DENND1A: variants seen among roughly 807,000 people sequenced by gnomAD.
DENND1A encodes DENN domain-containing protein 1A.
Under a neutral mutation model 113.7 loss-of-function variants are expected in DENND1A, and 51 were observed. That is an observed-to-expected ratio of 0.45 (90% CI 0.36 to 0.57). The LOEUF (loss-of-function observed/expected upper bound fraction) is 0.57. Ranked by LOEUF, DENND1A falls within the 20% of genes least tolerant of loss-of-function variation. The pLI, the probability that DENND1A is intolerant of heterozygous loss-of-function variation, is 0.00. For missense variants in DENND1A, 1,258 were observed against 1,395.9 expected, an observed-to-expected ratio of 0.90 and a Z score of 1.57; for synonymous variants, 565 against 570.8, an observed-to-expected ratio of 0.99 and a Z score of 0.14.
At chr9:123,676,429 G>T (rs983895204) in intron 6 of DENND1A, among the ~76,000 whole-genome samples, 1 of 152,048 alleles carries the variant, frequency 6.6e-6, no homozygotes, top group Non-Finnish European at 1.5e-5. Context: ...GGGAATATTA[G>T]AAATTGAACA....
chr9:123,551,176 G>A lies in DENND1A; in HGVS notation c.993+6394C>T, dbSNP rs538949112. On this transcript the variant is annotated intron_variant, in intron 13 of 23. Transcript: ENST00000394215. Reference sequence around the variant, plus strand: ...GCTTTGCATCTGATTTTCTCCAGGTGACCGAAAAATGGGCCACATGCCCTT... The same window carrying A: ...GCTTTGCATCTGATTTTCTCCAGGTAACCGAAAAATGGGCCACATGCCCTT... Among the ~76,000 whole-genome samples the A allele has an allele frequency of 8.5e-5, 13 of 152,268 alleles. No homozygotes were observed. The East Asian group carries it at 2.5e-3, about 29-fold the overall frequency.
Position 123,849,451 on chromosome 9 carries a change from C to A in DENND1A, c.88+29500G>T, listed in dbSNP as rs985229223. 2.6e-5 allele frequency among the ~76,000 whole-genome samples: 4 copies of A among 152,226 alleles called. No homozygotes were observed. In the South Asian group the frequency reaches 6.2e-4, roughly 24 times the overall value. The stretch of plus-strand genomic sequence containing the variant: ...TTTTGCCATTGAGTAATGACACAAA[C>A]CACAATTACTTTTGCACCAACATAA... On this transcript the variant is annotated intron_variant, in intron 2 of 23. Coordinates refer to ENST00000394215, the MANE Select transcript of DENND1A (RefSeq NM_001352964.2).
chr9:123,573,219 C>T (rs2058454742), intron 12 of DENND1A, among the ~76,000 whole-genome samples: 1 of 152,002 alleles, frequency 6.6e-6, no homozygotes, highest in South Asian at 2.1e-4. Context: ...TAATATAAGT[C>T]CTACAACTTT....
At chr9:123,591,574 G>C (rs1437124461) in intron 11 of DENND1A, among the ~76,000 whole-genome samples, 1 of 152,348 alleles carries the variant, frequency 6.6e-6, no homozygotes, top group Admixed American at 6.5e-5. Context: ...AAACAGGCCA[G>C]CACTGAGTGA....
At chr9:123,713,915 C>T (rs1056558782) in intron 5 of DENND1A, among the ~76,000 whole-genome samples, 4 of 152,176 alleles carry the variant, frequency 2.6e-5, no homozygotes, top group African/African-American at 9.6e-5. Flanking sequence ...TCTGACTTTG[C>T]CACTATACCT....
chr9:123,597,137 T>G (rs894587784), intron 11 of DENND1A, among the ~76,000 whole-genome samples: 9 of 152,184 alleles, frequency 5.9e-5, no homozygotes, highest in Admixed American at 5.9e-4. Flanking sequence ...CATTCATCAC[T>G]AAGCACTGCA....
At chr9:123,403,113 C>A (rs983639415) in intron 21 of DENND1A, among the ~76,000 whole-genome samples, 1 of 152,218 alleles carries the variant, frequency 6.6e-6, no homozygotes, top group Non-Finnish European at 1.5e-5. Context: ...ATCTTCAGCA[C>A]AAGAGGCCTA....
chr9:123,700,384 T>C (rs954278621), intron 5 of DENND1A, among the ~76,000 whole-genome samples: 10 of 152,158 alleles, frequency 6.6e-5, no homozygotes, highest in Non-Finnish European at 1.0e-4. Context: ...GAATAGACTA[T>C]TGTATGCATG....
Position 123,581,995 on chromosome 9 carries a change from G to A in DENND1A, c.867+1174C>T, listed in dbSNP as rs114682427. Among the ~76,000 whole-genome samples the A allele has an allele frequency of 6.0e-3, 916 of 152,336 alleles. 8 individuals are homozygous for A. The highest frequency in any genetic ancestry group is 0.02 in the African/African-American group (829 of 41,576). On this transcript the variant is annotated intron_variant, in intron 12 of 23. Transcript: ENST00000394215. ...CTCCAAGTAGCAACAGAAGACAGGT[G>A]TATAGGCAGATGTTAGCATGGCAAA...
chr9:123,720,263 C>T (rs865924684), intron 5 of DENND1A, among the ~76,000 whole-genome samples: 2 of 152,212 alleles, frequency 1.3e-5, no homozygotes, highest in Middle Eastern at 3.4e-3. Flanking sequence ...TTGAAGATAA[C>T]AACAGGGCAG....
At chr9:123,536,484 A>G (rs1453310504) in intron 13 of DENND1A, among the ~76,000 whole-genome samples, 1 of 149,734 alleles carries the variant, frequency 6.7e-6, no homozygotes, top group Non-Finnish European at 1.5e-5. Context: ...AAAAAAAAAG[A>G]AAAAGAAAAG....
In DENND1A at chr9:123,743,598, C is replaced by T. The variant is rs140381438; in HGVS notation, c.302+14105G>A. Among the ~76,000 whole-genome samples the T allele has an allele frequency of 2.9e-3, 426 of 149,244 alleles. 4 individuals carry two copies. Among genetic ancestry groups the T allele is most frequent in the Admixed American group, 3.4e-3 (51 of 14,980 alleles). On this transcript the variant is annotated intron_variant, in intron 5 of 23. Transcript: ENST00000394215. ...ACTACAAAACTTAGCTGAGCATGGT[C>T]GTGGGTGCCTGTAAGCTCAGCTACT...
chr9:123,399,752 G>T (rs1256699987), intron 21 of DENND1A, among the ~76,000 whole-genome samples: 1 of 152,230 alleles, frequency 6.6e-6, no homozygotes, highest in African/African-American at 2.4e-5. Context: ...TCTGGGCAAA[G>T]CCAGACTAAA....
chr9:123,683,387 T>C (rs899542023), intron 5 of DENND1A, among the ~76,000 whole-genome samples: 1 of 152,102 alleles, frequency 6.6e-6, no homozygotes, highest in Non-Finnish European at 1.5e-5. Flanking sequence ...TGGAAAAAAA[T>C]GACTCCTTTT....
intron 11 of DENND1A, among the ~76,000 whole-genome samples, chr9:123,588,636 G>GGC (rs1164597653): frequency 1.4e-4 from 19 of 134,000 alleles, no homozygotes; most frequent in Admixed American, 3.7e-4. Flanking sequence ...AAAAAAAAGG[G>GGC]GGGGGGGGAA....
chr9:123,485,669 C>T (rs2050796474), intron 13 of DENND1A: 1 of 149,286 alleles, frequency 6.7e-6, no homozygotes, highest in Non-Finnish European at 1.5e-5. Context: ...CACACACACA[C>T]ACACACACAC....
At chr9:123,913,615 T>C (rs1328497448) in intron 1 of DENND1A, among the ~76,000 whole-genome samples, 1 of 152,126 alleles carries the variant, frequency 6.6e-6, no homozygotes, top group Non-Finnish European at 1.5e-5. Context: ...CTTTAAAATA[T>C]CAAAATCCGA....
Position 123,641,108 on chromosome 9 carries a change from C to T in DENND1A, c.619-10632G>A, listed in dbSNP as rs376407615. ...ACACTACCTTGGTTCACCAAAGTGA[C>T]CACACTTTCAGTCTGCAGAAACAAC... is the stretch of plus-strand genomic sequence containing the variant. On this transcript the variant is annotated intron_variant, in intron 9 of 23. Transcript: ENST00000394215. 3.9e-5 allele frequency among the ~76,000 whole-genome samples: 6 copies of T among 152,288 alleles called. 1 individual carries two copies. Among genetic ancestry groups the T allele is most frequent in the Admixed American group, 6.5e-5 (1 of 15,292 alleles).
At chr9:123,747,680 C>T (rs2069635398) in intron 5 of DENND1A, among the ~76,000 whole-genome samples, 1 of 152,148 alleles carries the variant, frequency 6.6e-6, no homozygotes, top group South Asian at 2.1e-4. Context: ...AATTTGCTTT[C>T]ACTTAGAATG....
Sources: gnomAD v4.1 joint callset for allele counts (sites outside exome capture counted in the v4.1 genomes callset) on GRCh38, gnomAD v4.1.1 for gene constraint, MANE v1.5 for transcripts, NCBI Gene and HGNC (gene_info 2026-07-23, HGNC 2026-07-21) for gene names.